Variants in CYBA observed in about 807,000 individuals in gnomAD.
The protein encoded by CYBA is cytochrome b-245 alpha chain.
A neutral mutation model predicts 20.8 loss-of-function variants in CYBA; 21 were observed. That is an observed-to-expected ratio of 1.01 (90% CI 0.72 to 1.46). The LOEUF is 1.46. Ranked by LOEUF, CYBA falls within the 40% of genes most tolerant of loss-of-function variation. CYBA has a pLI of 0.00. For missense variants in CYBA, 344 were observed against 287.0 expected (o/e 1.20, Z -1.43); for synonymous variants, 164 against 127.5 (o/e 1.29, Z -1.93).
chr16:88,647,084 A>T lies in CYBA; in HGVS notation c.203+17T>A. On this transcript the variant is annotated intron_variant, in intron 3 of 5. Coordinates refer to ENST00000261623, the MANE Select transcript of CYBA (RefSeq NM_000101.4). ...CCCGCAGCCCCCGGAGAGACCCCAG[A>T]GCAGGAGGAGACTCACCAGCGCTCC... The T allele has an allele frequency of 6.2e-7, 1 of 1,606,740 alleles. No homozygotes were observed. Among genetic ancestry groups the T allele is most frequent in the Non-Finnish European group, 8.5e-7 (1 of 1,177,050 alleles).
Position 88,651,032 on chromosome 16 carries a change from G to T in CYBA, c.-19C>A. ...GCCCCATGGCGACACGAACCCGGCT[G>T]GGACACTGCTAGGCGCGCACTGCCG... On this transcript the variant is annotated 5_prime_UTR_variant, in exon 1 of 6. Transcript: ENST00000261623. 1 of 1,587,832 alleles carries T rather than the reference G, an allele frequency of 6.3e-7. No homozygotes were observed.
At chr16:88,650,313 C>T (rs1356618493) in intron 1 of CYBA, 2 of 451,250 alleles carry the variant, frequency 4.4e-6, no homozygotes, top group East Asian at 7.0e-5. Context: ...CAAATGGAGT[C>T]CGCTGCCCTC....
intron 1 of CYBA, 111 bp from the exon 2 acceptor site, chr16:88,648,225 C>T: frequency 1.0e-6 from 1 of 969,620 alleles, no homozygotes; most frequent in Non-Finnish European, 1.6e-6. Context: ...GCCCCCTACC[C>T]ATCCCCACAG....
At chr16:88,647,007 G>C in intron 3 of CYBA, 94 bp downstream of exon 3, 1 of 1,291,168 alleles carries the variant, frequency 7.7e-7, no homozygotes, top group Non-Finnish European at 1.1e-6. Context: ...TGGTTCCGGA[G>C]CCTCCAAGTG....
intron 2 of CYBA, chr16:88,647,748 C>A (rs1438152928): frequency 3.8e-6 from 2 of 520,564 alleles, no homozygotes; most frequent in South Asian, 2.0e-5. Context: ...CAGGAGCGGG[C>A]AGAGGGGATC....
At position 88,643,588 on chromosome 16, in the gene CYBA, G is replaced by C; in HGVS notation, c.370-17C>G. 6.5e-7 allele frequency: 1 copy of C among 1,530,474 alleles called. No individual in the cohort carries two copies. Among genetic ancestry groups the C allele is most frequent in the South Asian group, 1.2e-5 (1 of 83,866 alleles). The allele number at this position is 1,530,474 out of a possible 1,614,324, so 94.8% of individuals were successfully genotyped here. A position where few individuals can be genotyped will look rare whatever the true frequency, so the allele number is the denominator to read the frequency against. On this transcript the variant is annotated splice_polypyrimidine_tract_variant and intron_variant, in intron 5 of 5. Coordinates refer to ENST00000261623, the MANE Select transcript of CYBA (RefSeq NM_000101.4). The surrounding 1 kb of genome is among the most constrained non-coding windows in gnomAD (Gnocchi z 4.3). ...CACAGCCGCCTGCGGGGCACTGAAG[G>C]GTTGAGCCGCGCCCCAGCGCCCGCC...
chr16:88,645,273 G>C, intron 5 of CYBA: 1 of 702,470 alleles, frequency 1.4e-6, no homozygotes, highest in South Asian at 1.5e-5. Context: ...CTAAAGGAGA[G>C]TTCTGCCGGT....
intron 1 of CYBA, chr16:88,650,198 T>C (rs1295818935): frequency 5.5e-6 from 2 of 361,920 alleles, no homozygotes; most frequent in Non-Finnish European, 1.1e-5. Context: ...AGGTCCTTCC[T>C]GGAGCTGCTG....
chr16:88,647,326 G>C (rs1280398164), intron 2 of CYBA, 151 bp from the exon 3 acceptor site: 25 of 760,204 alleles, frequency 3.3e-5, no homozygotes, highest in Non-Finnish European at 4.7e-5. Context: ...AGGATCACTG[G>C]AGCCCAGGAG....
intron 1 of CYBA, among the ~76,000 whole-genome samples, chr16:88,649,493 A>T (rs2142880313): frequency 6.6e-6 from 1 of 152,314 alleles, no homozygotes; most frequent in East Asian, 1.9e-4. Context: ...ACCCAGCCAC[A>T]TTTACAGAGC....
At chr16:88,645,898 A>T in intron 5 of CYBA, 1 of 593,070 alleles carries the variant, frequency 1.7e-6, no homozygotes, top group Non-Finnish European at 3.0e-6. Context: ...GTTAATGAGG[A>T]AATGCAAGGA....
At chr16:88,644,040 G>A (rs905861910) in intron 5 of CYBA, among the ~76,000 whole-genome samples, 18 of 152,216 alleles carry the variant, frequency 1.2e-4, no homozygotes, top group Non-Finnish European at 2.2e-4. Flanking sequence ...TGGGGGTGGT[G>A]GGGGGAGAGC....
intron 1 of CYBA, among the ~76,000 whole-genome samples, chr16:88,649,192 C>T (rs545106662): frequency 5.3e-5 from 8 of 152,332 alleles, no homozygotes; most frequent in Non-Finnish European, 1.2e-4. Flanking sequence ...CCGCCTTGGC[C>T]TCCCAAAGTG....
intron 1 of CYBA, 140 bp downstream of exon 1, chr16:88,650,816 C>A: frequency 1.1e-6 from 1 of 883,364 alleles, no homozygotes; most frequent in Non-Finnish European, 1.8e-6. Context: ...CCGTTCCCCG[C>A]ACCCTCCTGG....
rs1188020193 is a variant in CYBA at position 88,643,918 on chromosome 16, G to C, written c.370-347C>G. 6.6e-6 allele frequency among the ~76,000 whole-genome samples: 1 copy of C among 152,200 alleles called. No homozygotes were observed. The highest frequency in any genetic ancestry group is 6.5e-5 in the Admixed American group (1 of 15,284). Reference sequence around the variant, plus strand: ...AGGGAAGGCAGGGAGGCAGGCCCGAGGTCCAGCAGGAGGGGTGGCCCAGGA... The same window carrying C: ...AGGGAAGGCAGGGAGGCAGGCCCGACGTCCAGCAGGAGGGGTGGCCCAGGA... On this transcript the variant is annotated intron_variant, in intron 5 of 5. Coordinates refer to ENST00000261623, the MANE Select transcript of CYBA (RefSeq NM_000101.4). This position sits in a 1 kb window ranked among gnomAD's most constrained non-coding sequence, Gnocchi z 4.3.
chr16:88,650,921 G>T, intron 1 of CYBA, 35 bp downstream of exon 1: 1 of 1,570,086 alleles, frequency 6.4e-7, no homozygotes, highest in Non-Finnish European at 8.6e-7. Flanking sequence ...CACCCCTCCA[G>T]GCTGCAGCCT....
intron 4 of CYBA, chr16:88,646,438 G>T (rs1445891213): frequency 2.1e-6 from 1 of 469,948 alleles, no homozygotes; most frequent in Non-Finnish European, 3.9e-6. Flanking sequence ...GCCTCAGCCG[G>T]CAGTAACCAG....
intron 1 of CYBA, among the ~76,000 whole-genome samples, chr16:88,649,792 G>A (rs72563769): frequency 6.6e-6 from 1 of 152,200 alleles, no homozygotes; most frequent in African/African-American, 2.4e-5. Context: ...CTAACTCTTC[G>A]GGCCAGGAGC....
At chr16:88,648,553 C>T (rs1301297917) in intron 1 of CYBA, among the ~76,000 whole-genome samples, 2 of 151,866 alleles carry the variant, frequency 1.3e-5, no homozygotes, top group African/African-American at 4.8e-5. Flanking sequence ...GCCTTAATTT[C>T]GGTTTCGTCT....
Sources: gnomAD v4.1 joint callset for allele counts (sites outside exome capture counted in the v4.1 genomes callset) on GRCh38, gnomAD v4.1.1 for gene constraint, Gnocchi (gnomAD v3.1) non-coding constraint, MANE v1.5 for transcripts, NCBI Gene and HGNC (gene_info 2026-07-23, HGNC 2026-07-21) for gene names.